The following QKI variants were observed in gnomAD, a reference collection of about 807,000 sequenced individuals.
The protein encoded by QKI is QKI, KH domain containing RNA binding, also known as KH domain-containing RNA-binding protein QKI.
Under a neutral mutation model 39.0 loss-of-function variants are expected in QKI, and 10 were observed. The observed-to-expected ratio is 0.26, with a 90% CI of 0.16 to 0.43. QKI has a LOEUF of 0.43. Ranked by LOEUF, QKI falls within the 20% of genes least tolerant of loss-of-function variation. The probability of loss-of-function intolerance (pLI) is 1.00; values close to 1 mark genes in which losing one functional copy is unlikely to be tolerated. For synonymous variants in QKI, 204 were observed against 155.4 expected (o/e 1.31, Z -2.33); for missense variants, 218 against 428.0 (o/e 0.51, Z 4.33).
intron 3 of QKI, among the ~76,000 whole-genome samples, chr6:163,507,654 A>G (rs1483869627): frequency 6.6e-6 from 1 of 152,210 alleles, no homozygotes; most frequent in African/African-American, 2.4e-5. Context: ...AAAGATGTGA[A>G]CTAAGACCAT....
chr6:163,428,511 A>G (rs946461806), intron 1 of QKI, among the ~76,000 whole-genome samples: 3 of 152,190 alleles, frequency 2.0e-5, no homozygotes, highest in African/African-American at 4.8e-5. Flanking sequence ...TCATAGTTTT[A>G]TCATAGTAAT....
chr6:163,510,128 A>C (rs1179633552), intron 3 of QKI, among the ~76,000 whole-genome samples: 1 of 151,914 alleles, frequency 6.6e-6, no homozygotes, highest in African/African-American at 2.4e-5. Context: ...AGGCAGGAGA[A>C]TCGCTTGAAC....
chr6:163,422,169 A>G (rs919371901), intron 1 of QKI, among the ~76,000 whole-genome samples: 4 of 152,140 alleles, frequency 2.6e-5, no homozygotes, highest in African/African-American at 9.7e-5. Flanking sequence ...AATTCTTACA[A>G]TTAGCAAGAA....
chr6:163,541,232 G>A (rs898059367), intron 4 of QKI, among the ~76,000 whole-genome samples: 3 of 151,858 alleles, frequency 2.0e-5, no homozygotes, highest in African/African-American at 4.8e-5. Flanking sequence ...TTTGAGCCGT[G>A]TTTTATTTCC....
chr6:163,432,389 A>AT (rs753535939), intron 1 of QKI, among the ~76,000 whole-genome samples: 1 of 147,386 alleles, frequency 6.8e-6, no homozygotes, highest in African/African-American at 2.6e-5. Context: ...ATAATTTAAA[A>AT]TCCCCCCCCT....
At chr6:163,536,615 T>TGTAAATTTTCTATTTACCCAGTCACAA (rs1409905244) in intron 4 of QKI, among the ~76,000 whole-genome samples, 5 of 152,230 alleles carry the variant, frequency 3.3e-5, no homozygotes, top group African/African-American at 1.2e-4. Context: ...CCCAGTCACC[T>TGTAAATTTTCTATTTACCCAGTCACAA]GTAATCTCTT....
At chr6:163,505,426 A>G (rs896727994) in intron 3 of QKI, among the ~76,000 whole-genome samples, 2 of 152,242 alleles carry the variant, frequency 1.3e-5, no homozygotes, top group East Asian at 1.9e-4. Flanking sequence ...TTGTCAGCCC[A>G]TGAAAGCAGC....
chr6:163,516,151 C>CT (rs1779780609), intron 3 of QKI, among the ~76,000 whole-genome samples: 1 of 152,080 alleles, frequency 6.6e-6, no homozygotes, highest in Admixed American at 6.5e-5. Context: ...GGAGTGCAGG[C>CT]AATTTTTAGA....
chr6:163,565,983 C>T (rs1353748458), intron 6 of QKI: 17 of 1,612,662 alleles, frequency 1.1e-5, no homozygotes, highest in Middle Eastern at 1.6e-4. Flanking sequence ...AATTCAAGAA[C>T]GGTCTTAACT....
intron 2 of QKI, among the ~76,000 whole-genome samples, chr6:163,459,780 G>A (rs2128220356): frequency 6.6e-6 from 1 of 152,266 alleles, no homozygotes; most frequent in South Asian, 2.1e-4. Context: ...GTTCAGTCTT[G>A]TGTGAAGGAT....
chr6:163,473,546 T>A (rs1792359317), intron 2 of QKI, among the ~76,000 whole-genome samples: 1 of 152,004 alleles, frequency 6.6e-6, no homozygotes, highest in Non-Finnish European at 1.5e-5. Flanking sequence ...CAGTCAAGAA[T>A]AAAAAAATGA....
intron 3 of QKI, among the ~76,000 whole-genome samples, chr6:163,483,263 C>T (rs1793217985): frequency 6.6e-6 from 1 of 152,140 alleles, no homozygotes; most frequent in Non-Finnish European, 1.5e-5. Context: ...TGGTGGAAGG[C>T]CTTGCCTGGA....
intron 1 of QKI, among the ~76,000 whole-genome samples, chr6:163,440,487 A>T (rs1789681709): frequency 6.6e-6 from 1 of 152,182 alleles, no homozygotes; most frequent in Non-Finnish European, 1.5e-5. Flanking sequence ...AAGACATTAG[A>T]CTTCATTACT....
chr6:163,442,907 G>T (rs1467799862), intron 1 of QKI, among the ~76,000 whole-genome samples: 1 of 152,004 alleles, frequency 6.6e-6, no homozygotes, highest in Non-Finnish European at 1.5e-5. Flanking sequence ...CAACACAGAG[G>T]GCTGTATTCT....
intron 3 of QKI, among the ~76,000 whole-genome samples, chr6:163,498,826 G>A (rs1778570461): frequency 6.6e-6 from 1 of 152,070 alleles, no homozygotes; most frequent in African/African-American, 2.4e-5. Context: ...GATATCATAT[G>A]AATTTAGTTA....
intron 7 of QKI, chr6:163,567,930 C>G (rs1783464700): frequency 1.0e-6 from 1 of 985,150 alleles, no homozygotes; most frequent in African/African-American, 1.7e-5. Flanking sequence ...TTGTCCACAT[C>G]AGAAATAACA....
In QKI at chr6:163,571,571, G is replaced by C; in HGVS notation, c.*861G>C. 6.6e-6 allele frequency: 1 copy of C among 151,786 alleles called. No homozygotes were observed. Among genetic ancestry groups the C allele is most frequent in the Non-Finnish European group, 1.5e-5 (1 of 67,970 alleles). The allele number at this position is 151,786 out of a possible 1,614,324, so 9.4% of individuals were successfully genotyped here. ...ATGTAAAAGCCATGCTTGCCTATTT[G>C]CTGTATACATGTAATGAAATTGTAG... On this transcript the variant is annotated 3_prime_UTR_variant, in exon 8 of 8. Coordinates refer to ENST00000361752, the MANE Select transcript of QKI (RefSeq NM_006775.3).
intron 3 of QKI, among the ~76,000 whole-genome samples, chr6:163,521,013 A>G (rs1780120982): frequency 6.6e-6 from 1 of 152,200 alleles, no homozygotes; most frequent in South Asian, 2.1e-4. Flanking sequence ...TTTTCTAATG[A>G]CGTAAAATTA....
intron 3 of QKI, among the ~76,000 whole-genome samples, chr6:163,532,530 A>G (rs188098712): frequency 3.7e-4 from 56 of 152,342 alleles, no homozygotes; most frequent in African/African-American, 1.3e-3. Context: ...AATTTAAGGC[A>G]TTTGGTCTTA....
Sources: gnomAD v4.1 joint callset for allele counts (sites outside exome capture counted in the v4.1 genomes callset) on GRCh38, gnomAD v4.1.1 for gene constraint, MANE v1.5 for transcripts, NCBI Gene and HGNC (gene_info 2026-07-23, HGNC 2026-07-21) for gene names.